SUSD6: variants seen among roughly 807,000 people sequenced by gnomAD.
SUSD6 encodes sushi domain containing 6, also known as sushi domain-containing protein 6.
A neutral mutation model predicts 28.4 loss-of-function variants in SUSD6; 16 were observed. The ratio of observed to expected loss-of-function variants is 0.56; its 90% confidence interval spans 0.38 to 0.86. SUSD6 has a LOEUF of 0.86. SUSD6 is among the 40% of genes least tolerant of loss of function. The probability of loss-of-function intolerance (pLI) is 0.00; values close to 1 mark genes in which losing one functional copy is unlikely to be tolerated. For missense variants in SUSD6, 341 were observed against 384.2 expected (o/e 0.89, Z 0.94); for synonymous variants, 147 against 159.6 (o/e 0.92, Z 0.59).
chr14:69,639,422 G>A (rs993876023), intron 1 of SUSD6, among the ~76,000 whole-genome samples: 12 of 152,098 alleles, frequency 7.9e-5, no homozygotes, highest in African/African-American at 2.7e-4. Flanking sequence ...TTTACTGAGG[G>A]GGAAATGGGC....
intron 2 of SUSD6, among the ~76,000 whole-genome samples, chr14:69,702,432 C>G (rs900665494): frequency 1.2e-4 from 18 of 152,198 alleles, no homozygotes; most frequent in African/African-American, 4.3e-4. Flanking sequence ...TCCACTCAGA[C>G]CTTCCAGATC....
intron 2 of SUSD6, among the ~76,000 whole-genome samples, chr14:69,664,494 G>A (rs919065481): frequency 6.6e-6 from 1 of 152,248 alleles, no homozygotes; most frequent in African/African-American, 2.4e-5. Flanking sequence ...TCTCTCCATG[G>A]TGTAATTACC....
At chr14:69,625,844 GC>G (rs778060599) in intron 1 of SUSD6, among the ~76,000 whole-genome samples, 6 of 152,134 alleles carry the variant, frequency 3.9e-5, no homozygotes, top group Non-Finnish European at 8.8e-5. Flanking sequence ...AACCATCTCT[GC>G]TGCTGGAGTC....
chr14:69,695,811 G>T (rs1886216883), intron 2 of SUSD6, among the ~76,000 whole-genome samples: 1 of 152,220 alleles, frequency 6.6e-6, no homozygotes, highest in Admixed American at 6.5e-5. Context: ...TATGTAAAGT[G>T]CTCAGATAGT....
intron 1 of SUSD6, among the ~76,000 whole-genome samples, chr14:69,636,727 G>T (rs111244721): frequency 6.6e-6 from 1 of 152,200 alleles, no homozygotes. Context: ...CTCCAGTCTG[G>T]CAGAGGCCTG....
At chr14:69,694,064 C>G (rs1453478872) in intron 2 of SUSD6, among the ~76,000 whole-genome samples, 1 of 147,760 alleles carries the variant, frequency 6.8e-6, no homozygotes, top group Non-Finnish European at 1.5e-5. Context: ...CATCTACTAT[C>G]TCCTGGATTA....
At chr14:69,641,768 T>A (rs375968826) in intron 1 of SUSD6, among the ~76,000 whole-genome samples, 132 of 136,218 alleles carry the variant, frequency 9.7e-4, no homozygotes, top group South Asian at 5.8e-3. Flanking sequence ...TTAAAAAAAA[T>A]TTTTTTTTTT....
intron 1 of SUSD6, among the ~76,000 whole-genome samples, chr14:69,643,946 T>C (rs1205171706): frequency 6.6e-6 from 1 of 152,198 alleles, no homozygotes; most frequent in Non-Finnish European, 1.5e-5. Flanking sequence ...CTAGACTACA[T>C]TGATTGACCC....
At chr14:69,657,740 G>C (rs1040210308) in intron 1 of SUSD6, among the ~76,000 whole-genome samples, 22 of 151,978 alleles carry the variant, frequency 1.4e-4, no homozygotes. Context: ...CTCCCTAAAG[G>C]CTTATAGAAA....
At chr14:69,641,566 C>T (rs1885353294) in intron 1 of SUSD6, among the ~76,000 whole-genome samples, 1 of 151,962 alleles carries the variant, frequency 6.6e-6, no homozygotes, top group Admixed American at 6.6e-5. Flanking sequence ...GTATTCTTCC[C>T]TCTAGAAGTT....
At chr14:69,637,258 CT>C (rs1885278296) in intron 1 of SUSD6, among the ~76,000 whole-genome samples, 3 of 152,070 alleles carry the variant, frequency 2.0e-5, no homozygotes, top group Non-Finnish European at 4.4e-5. Context: ...GTGGGTGCCT[CT>C]CCTTGGTGCT....
chr14:69,619,915 G>A (rs1247945414), intron 1 of SUSD6, among the ~76,000 whole-genome samples: 6 of 152,204 alleles, frequency 3.9e-5, no homozygotes, highest in Non-Finnish European at 5.9e-5. Context: ...CTTATTGTAT[G>A]TGGAATCAGC....
intron 1 of SUSD6, among the ~76,000 whole-genome samples, chr14:69,658,078 C>T (rs182100088): frequency 5.3e-5 from 8 of 152,342 alleles, no homozygotes; most frequent in East Asian, 3.9e-4. Flanking sequence ...CTTCTCTAGG[C>T]GGTGTATTCT....
chr14:69,677,522 G>A (rs922820846), intron 2 of SUSD6, among the ~76,000 whole-genome samples: 12 of 148,208 alleles, frequency 8.1e-5, no homozygotes, highest in Non-Finnish European at 1.8e-4. Context: ...GCTCCAGCCT[G>A]GGCCACAGAG....
intron 4 of SUSD6, 75 bp downstream of exon 4, chr14:69,704,817 G>C: frequency 6.6e-7 from 1 of 1,518,994 alleles, no homozygotes; most frequent in Non-Finnish European, 9.0e-7. Context: ...TTGGTGGAGG[G>C]TTGCTGGTGG....
At position 69,668,797 on chromosome 14, in the gene SUSD6, C is replaced by T. The variant is rs73281552; in HGVS notation, c.121+10084C>T. Among the ~76,000 whole-genome samples the T allele has an allele frequency of 5.2e-3, 796 of 152,002 alleles. 4 individuals are homozygous for T. The highest frequency in any genetic ancestry group is 0.019 in the African/African-American group (768 of 41,460). Reference sequence around the variant, plus strand: ...TGGGCGATCCCCTTGATGGTGAGCTCTCTGAGTTCACATGAGATCTGGTGG... The same window carrying T: ...TGGGCGATCCCCTTGATGGTGAGCTTTCTGAGTTCACATGAGATCTGGTGG... On this transcript the variant is annotated intron_variant, in intron 2 of 5. Coordinates refer to ENST00000342745, the MANE Select transcript of SUSD6 (RefSeq NM_014734.4).
At chr14:69,660,594 G>A (rs1476173271) in intron 2 of SUSD6, among the ~76,000 whole-genome samples, 1 of 152,258 alleles carries the variant, frequency 6.6e-6, no homozygotes, top group Non-Finnish European at 1.5e-5. Context: ...GAACCACAGA[G>A]TGTGGTTGAC....
At chr14:69,689,289 T>C (rs1048223745) in intron 2 of SUSD6, among the ~76,000 whole-genome samples, 7 of 152,246 alleles carry the variant, frequency 4.6e-5, no homozygotes, top group Admixed American at 1.3e-4. Context: ...AGGACCAATA[T>C]CTTTTTATCT....
chr14:69,710,889 G>C (rs1886452235), intron 5 of SUSD6, 65 bp from the exon 6 acceptor site: 2 of 1,492,274 alleles, frequency 1.3e-6, no homozygotes, highest in Admixed American at 3.3e-5. Context: ...GTTGCAGTGG[G>C]GTCGAGAGTG....
Sources: gnomAD v4.1 joint callset for allele counts (sites outside exome capture counted in the v4.1 genomes callset) on GRCh38, gnomAD v4.1.1 for gene constraint, MANE v1.5 for transcripts, NCBI Gene and HGNC (gene_info 2026-07-23, HGNC 2026-07-21) for gene names.